Variants in TNIP1 observed in about 807,000 individuals in gnomAD.
TNIP1 encodes the protein TNFAIP3-interacting protein 1.
TNIP1 carries 22 observed loss-of-function variants against 86.6 expected under a neutral mutation model. The observed-to-expected ratio is 0.25, with a 90% CI of 0.18 to 0.36. The LOEUF (loss-of-function observed/expected upper bound fraction) is 0.36. TNIP1 is among the 10% of genes least tolerant of loss of function. The probability of loss-of-function intolerance (pLI) is 1.00; values close to 1 mark genes in which losing one functional copy is unlikely to be tolerated. For missense variants in TNIP1, 709 were observed against 820.6 expected (o/e 0.86, Z 1.66); for synonymous variants, 294 against 313.0 (o/e 0.94, Z 0.64).
intron 16 of TNIP1, 125 bp downstream of exon 16, chr5:151,033,483 C>T (rs759997132): frequency 1.4e-5 from 9 of 622,334 alleles, no homozygotes; most frequent in Non-Finnish European, 2.4e-5. Flanking sequence ...CACCCACCTG[C>T]CACCACGGTG....
chr5:151,034,969 G>A (rs374723942), intron 15 of TNIP1, 33 bp downstream of exon 15: 43 of 1,611,968 alleles, frequency 2.7e-5, no homozygotes, highest in Middle Eastern at 1.6e-4. Flanking sequence ...GTAAGAGGAT[G>A]TCAGTGCTGC....
chr5:151,055,545 G>A (rs1760549028), intron 6 of TNIP1, among the ~76,000 whole-genome samples: 2 of 152,166 alleles, frequency 1.3e-5, no homozygotes, highest in South Asian at 4.1e-4. Flanking sequence ...TGGCTCTCCA[G>A]GCCTCTGCCT....
upstream of TNIP1, among the ~76,000 whole-genome samples, chr5:151,084,444 C>CAAA (rs56889305): frequency 1.5e-5 from 2 of 132,468 alleles, no homozygotes; most frequent in African/African-American, 2.8e-5. Flanking sequence ...GACTTCGTCT[C>CAAA]AAAAAAAAAA....
At chr5:151,062,696 A>T (rs1718021050) in intron 3 of TNIP1, among the ~76,000 whole-genome samples, 2 of 152,164 alleles carry the variant, frequency 1.3e-5, no homozygotes, top group African/African-American at 4.8e-5. Context: ...TCCTTGCTGC[A>T]GGGAGCTCCT....
At chr5:151,072,531 T>G (rs1430707760) in intron 1 of TNIP1, among the ~76,000 whole-genome samples, 2 of 152,238 alleles carry the variant, frequency 1.3e-5, no homozygotes, top group East Asian at 3.8e-4. Context: ...CTCCCAGTTC[T>G]GTTTCCACTG....
intron 16 of TNIP1, 70 bp from the exon 17 acceptor site, chr5:151,032,453 G>T: frequency 7.0e-7 from 1 of 1,431,586 alleles, no homozygotes. Flanking sequence ...ACTGTGCCAG[G>T]ACAATACTAA....
rs778296449 is a variant in TNIP1 at position 151,030,266 on chromosome 5, C to T, written c.*447G>A. On this transcript the variant is annotated 3_prime_UTR_variant, in exon 18 of 18. Transcript: ENST00000521591. ...CTCCTCACAGAGGGGTAGGGGTGTG[C>T]GTGGGGCAGGTCCTGCTACAGAGCT... 16 of 403,582 alleles carry T rather than the reference C, an allele frequency of 4.0e-5. No individual in the cohort carries two copies. The East Asian group carries it at 7.8e-4, about 20-fold the overall frequency. 25.0% of individuals were successfully genotyped at this position (403,582 alleles called of 1,614,324 possible).
At chr5:151,054,050 A>T (rs1232504640) in intron 6 of TNIP1, among the ~76,000 whole-genome samples, 1 of 152,234 alleles carries the variant, frequency 6.6e-6, no homozygotes, top group East Asian at 1.9e-4. Context: ...GTTCTGGCCA[A>T]CAAAAGAGGT....
intron 17 of TNIP1, chr5:151,032,058 C>T (rs1756971048): frequency 1.8e-6 from 1 of 549,344 alleles, no homozygotes; most frequent in Non-Finnish European, 3.2e-6. Context: ...TCTAGGCATC[C>T]ATAGCACCTA....
upstream of TNIP1, among the ~76,000 whole-genome samples, chr5:151,084,355 G>A (rs1448778636): frequency 6.6e-6 from 1 of 151,150 alleles, no homozygotes; most frequent in Admixed American, 6.6e-5. Context: ...TGAGGCAGGA[G>A]AATCACTTGA....
In TNIP1 at chr5:151,033,651, A is replaced by C. The variant is rs1757218975; in HGVS notation, c.1736T>G (p.Met579Arg). The change falls in exon 16 of 18, where the codon ATG (methionine) becomes AGG (arginine). Residue 579 changes from methionine to arginine, a missense_variant. By Grantham distance (91) the Met-to-Arg change is moderately conservative. Transcript: ENST00000521591. ...QIRYPPPPMA[M>R]EHPPPLPNSR... ...GTTGGGGAGTGGGGGCGGGTGCTCC[A>C]TGGCCATGGGGGGAGGGGGGTAGCG... 11 of 986,726 alleles carry C rather than the reference A, an allele frequency of 1.1e-5. No individual in the cohort carries two copies. The East Asian group carries it at 1.3e-4, about 12-fold the overall frequency. 61.1% of individuals were successfully genotyped at this position (986,726 alleles called of 1,614,324 possible). A position where few individuals can be genotyped will look rare whatever the true frequency, so the allele number is the denominator to read the frequency against.
At chr5:151,032,122 C>G in intron 17 of TNIP1, 165 bp downstream of exon 17, 2 of 614,214 alleles carry the variant, frequency 3.3e-6, no homozygotes, top group Non-Finnish European at 5.8e-6. Context: ...CAGCCCCCCT[C>G]ACTCTGTGGT....
chr5:151,086,379 C>T (rs1451472469), intron 1 of TNIP1, among the ~76,000 whole-genome samples: 1 of 152,218 alleles, frequency 6.6e-6, no homozygotes, highest in Non-Finnish European at 1.5e-5. Flanking sequence ...ACAGGTTCCA[C>T]CACAAAAGAG....
rs61145139 is a variant in TNIP1 at position 151,062,098 on chromosome 5, C to A, written c.357+29G>T. ...AGGACTTGAGGTCCATCCAGGCAAC[C>A]TCCACCCATGACTCCAAATAAAACT... On this transcript the variant is annotated intron_variant, in intron 4 of 17. Coordinates refer to ENST00000521591, the MANE Select transcript of TNIP1 (RefSeq NM_006058.5). 3,602 of 1,609,608 alleles carry A rather than the reference C, an allele frequency of 2.2e-3. 57 individuals carry two copies. In the African/African-American group the frequency reaches 0.038, roughly 17 times the overall value.
intron 8 of TNIP1, among the ~76,000 whole-genome samples, 195 bp downstream of exon 8, chr5:151,049,629 T>C (rs369643112): frequency 7.2e-4 from 110 of 152,204 alleles, no homozygotes; most frequent in African/African-American, 2.6e-3. Context: ...ATGAGGCCCA[T>C]GAAGCCACAG....
chr5:151,036,965 A>G, intron 12 of TNIP1, 44 bp from the exon 13 acceptor site: 1 of 1,544,194 alleles, frequency 6.5e-7, no homozygotes. Flanking sequence ...AACCCCTGGA[A>G]ATCAGGGCCC....
At chr5:151,076,090 G>A (rs1290391771) in intron 1 of TNIP1, among the ~76,000 whole-genome samples, 7 of 152,238 alleles carry the variant, frequency 4.6e-5, no homozygotes, top group Non-Finnish European at 1.0e-4. Context: ...CAAACAGCCA[G>A]CTGCTGCTCA....
intron 15 of TNIP1, chr5:151,034,426 G>A (rs542501699): frequency 1.0e-3 from 271 of 264,812 alleles, no homozygotes; most frequent in African/African-American, 7.3e-3. Context: ...GGAAGGCTGG[G>A]TACATGGGCA....
At chr5:151,068,800 C>A (rs1762519470) in intron 1 of TNIP1, among the ~76,000 whole-genome samples, 1 of 150,008 alleles carries the variant, frequency 6.7e-6, no homozygotes, top group Non-Finnish European at 1.5e-5. Context: ...CCACAGGCCC[C>A]CACCACATCT....
Sources: allele counts gnomAD v4.1 joint callset (sites outside exome capture counted in the v4.1 genomes callset), GRCh38; gene constraint gnomAD v4.1.1; transcripts MANE v1.5; gene names NCBI Gene and HGNC (gene_info 2026-07-23, HGNC 2026-07-21).